Variants in KIAA0319 observed in about 807,000 individuals in gnomAD.
KIAA0319 encodes the protein KIAA0319.
A neutral mutation model predicts 108.4 loss-of-function variants in KIAA0319; 83 were observed. That is an observed-to-expected ratio of 0.77 (90% CI 0.64 to 0.92). The LOEUF is 0.92. KIAA0319 is among the 40% of genes least tolerant of loss of function. The pLI, the probability that KIAA0319 is intolerant of heterozygous loss-of-function variation, is 0.00. For missense variants in KIAA0319, 1,195 were observed against 1,322.4 expected, an observed-to-expected ratio of 0.90 and a Z score of 1.49; for synonymous variants, 484 against 510.4, an observed-to-expected ratio of 0.95 and a Z score of 0.70.
At position 24,546,907 on chromosome 6, in the gene KIAA0319, A is replaced by G. The variant is rs1206672667; in HGVS notation, c.*258T>C. The G allele has an allele frequency of 5.8e-6, 2 of 345,142 alleles. No homozygotes were observed. The highest frequency in any genetic ancestry group is 4.1e-5 in the African/African-American group (2 of 48,984). 21.4% of individuals were successfully genotyped at this position (345,142 alleles called of 1,614,324 possible). On this transcript the variant is annotated 3_prime_UTR_variant, in exon 21 of 21. Transcript: ENST00000378214. ...TTTAATATGAGATTGTGCCAGCTACAAAAACTCAAAACTCTTTTAAGTATA... is the reference window on the plus strand; with the variant it reads ...TTTAATATGAGATTGTGCCAGCTACGAAAACTCAAAACTCTTTTAAGTATA...
At chr6:24,624,792 C>T (rs182670409) in intron 1 of KIAA0319, among the ~76,000 whole-genome samples, 4 of 152,316 alleles carry the variant, frequency 2.6e-5, no homozygotes, top group African/African-American at 4.8e-5. Flanking sequence ...GGAAGTCGGA[C>T]GTGAAGCCCT....
intron 16 of KIAA0319, among the ~76,000 whole-genome samples, chr6:24,561,555 C>T (rs2127439149): frequency 6.6e-6 from 1 of 152,162 alleles, no homozygotes; most frequent in East Asian, 1.9e-4. Flanking sequence ...CCTCCCCCAC[C>T]CACATTTTTT....
At chr6:24,643,214 G>GA (rs559986816) in intron 1 of KIAA0319, among the ~76,000 whole-genome samples, 46 of 152,150 alleles carry the variant, frequency 3.0e-4, no homozygotes, top group Admixed American at 7.9e-4. Context: ...ATGTTACTCT[G>GA]GCTCAACCAT....
rs146274466 is a variant in KIAA0319 at position 24,564,362 on chromosome 6, A to G, written c.2293-22T>C. 4.3e-6 allele frequency: 7 copies of G among 1,613,820 alleles called. No individual in the cohort carries two copies. In the African/African-American group the frequency reaches 9.3e-5, roughly 22 times the overall value. On this transcript the variant is annotated intron_variant, in intron 14 of 20. Coordinates refer to ENST00000378214, the MANE Select transcript of KIAA0319 (RefSeq NM_014809.4). ...CATCCTGCGAAAGAACACGGATCAC[A>G]GGGCAGCTGTCAATCCTCGGGTCCC...
In KIAA0319 at chr6:24,599,377, G is replaced by T; in HGVS notation, c.55+1672C>A. 1 of 542,008 alleles carries T rather than the reference G, an allele frequency of 1.8e-6. No homozygotes were observed. Among genetic ancestry groups the T allele is most frequent in the Non-Finnish European group, 3.5e-6 (1 of 282,508 alleles). The allele number at this position is 542,008 out of a possible 1,614,324, so 33.6% of individuals were successfully genotyped here. A position where few individuals can be genotyped will look rare whatever the true frequency, so the allele number is the denominator to read the frequency against. ...ACCATTGTGGATGCGGAGAAGCGTGGGGAGCTGGCCATTAAGGATGCCAAT... is the reference window on the plus strand; with the variant it reads ...ACCATTGTGGATGCGGAGAAGCGTGTGGAGCTGGCCATTAAGGATGCCAAT... On this transcript the variant is annotated intron_variant, in intron 2 of 20. Coordinates refer to ENST00000378214, the MANE Select transcript of KIAA0319 (RefSeq NM_014809.4). This position sits in a 1 kb window ranked among gnomAD's most constrained non-coding sequence, Gnocchi z 4.1.
At chr6:24,552,769 C>A (rs1398189793) in intron 19 of KIAA0319, among the ~76,000 whole-genome samples, 2 of 152,150 alleles carry the variant, frequency 1.3e-5, no homozygotes, top group Non-Finnish European at 2.9e-5. Context: ...CCACGCCCAG[C>A]TAATTTTGTA....
At chr6:24,554,088 G>C (rs1427706878) in intron 19 of KIAA0319, among the ~76,000 whole-genome samples, 2 of 152,184 alleles carry the variant, frequency 1.3e-5, no homozygotes, top group Non-Finnish European at 2.9e-5. Context: ...AGCAGTCTTG[G>C]GGACTGAGTC....
At chr6:24,561,547 TC>T (rs1211010762) in intron 16 of KIAA0319, among the ~76,000 whole-genome samples, 2 of 152,046 alleles carry the variant, frequency 1.3e-5, no homozygotes, top group East Asian at 3.9e-4. Context: ...CTTATAATCC[TC>T]CCCCACCCAC....
chr6:24,638,739 A>C (rs1020416340), intron 1 of KIAA0319, among the ~76,000 whole-genome samples: 1 of 147,178 alleles, frequency 6.8e-6, no homozygotes, highest in African/African-American at 2.6e-5. Flanking sequence ...CAGCCTGGGC[A>C]ACAGTGCCAG....
chr6:24,568,379 A>G (rs1764190561), intron 13 of KIAA0319, among the ~76,000 whole-genome samples: 1 of 152,238 alleles, frequency 6.6e-6, no homozygotes, highest in African/African-American at 2.4e-5. Context: ...CAAGGAGACA[A>G]GTACCTAAAG....
chr6:24,612,861 C>T (rs911500884), intron 1 of KIAA0319, among the ~76,000 whole-genome samples: 1 of 152,092 alleles, frequency 6.6e-6, no homozygotes, highest in South Asian at 2.1e-4. Context: ...TGCAGTGGCA[C>T]GATCTCCGCT....
chr6:24,633,185 A>T (rs949045867), intron 1 of KIAA0319, among the ~76,000 whole-genome samples: 5 of 152,244 alleles, frequency 3.3e-5, no homozygotes, highest in Non-Finnish European at 7.3e-5. Context: ...GTGAAGGGTT[A>T]GCAAAGTTCT....
chr6:24,640,326 C>T (rs1776758901), intron 1 of KIAA0319, among the ~76,000 whole-genome samples: 1 of 152,146 alleles, frequency 6.6e-6, no homozygotes, highest in Non-Finnish European at 1.5e-5. Flanking sequence ...CCTTCAACAA[C>T]ATGATGTTTA....
chr6:24,583,506 A>G (rs2127490334), intron 5 of KIAA0319, 98 bp downstream of exon 5: 1 of 809,918 alleles, frequency 1.2e-6, no homozygotes, highest in African/African-American at 1.7e-5. Context: ...GTCGTGCAAT[A>G]CTGTGAAAAA....
Position 24,568,928 on chromosome 6 carries a change from C to G in KIAA0319, c.1993G>C (p.Gly665Arg). Reference sequence around the variant, plus strand: ...TTTTCCATCTCCACTGCACTGGGGCCTCTATAAAACATAGAAGTGGTTAAC... The same window carrying G: ...TTTTCCATCTCCACTGCACTGGGGCGTCTATAAAACATAGAAGTGGTTAAC... ...IVFYHWEHVR[G>R]PSAVEMENID... is the part of the protein sequence containing the mutation. The change falls in exon 13 of 21, where the codon GGC (glycine) becomes CGC (arginine). Residue 665 changes from glycine (G) to arginine (R), a missense_variant and splice_region_variant. Transcript: ENST00000378214. The G allele has an allele frequency of 6.2e-7, 1 of 1,613,906 alleles. No homozygotes were observed. Among genetic ancestry groups the G allele is most frequent in the Admixed American group, 1.7e-5 (1 of 60,018 alleles).
chr6:24,583,205 T>C (rs1766893156), intron 5 of KIAA0319: 1 of 989,022 alleles, frequency 1.0e-6, no homozygotes, highest in Non-Finnish European at 1.2e-6. Flanking sequence ...CTGAGAGCCG[T>C]GATTGTCAAT....
chr6:24,564,286 C>T lies in KIAA0319; in HGVS notation c.2347G>A (p.Glu783Lys). 2 of 1,614,184 alleles carry T rather than the reference C, an allele frequency of 1.2e-6. No individual in the cohort carries two copies. The highest frequency in any genetic ancestry group is 1.3e-5 in the African/African-American group (1 of 75,054). ...SVALQLTNLV[E>K]GVYTFHLRVT... ...CGCAAGTGGAAAGTGTACACCCCCT[C>T]CACCAGATTCGTAAGCTGCAGAGCC... The change falls in exon 15 of 21, where the codon GAG (glutamate) becomes AAG (lysine). Residue 783 changes from glutamate (E) to lysine (K), a missense_variant. By Grantham distance (56) the Glu-to-Lys change is moderately conservative. Coordinates refer to ENST00000378214, the MANE Select transcript of KIAA0319 (RefSeq NM_014809.4).
rs1256810716 is a variant in KIAA0319, at chr6:24,625,606, C to T, written c.-106+20130G>A. 2.6e-5 allele frequency among the ~76,000 whole-genome samples: 4 copies of T among 152,240 alleles called. No homozygotes were observed. The East Asian group carries it at 7.7e-4, about 29-fold the overall frequency. On this transcript the variant is annotated intron_variant, in intron 1 of 20. Coordinates refer to ENST00000378214, the MANE Select transcript of KIAA0319 (RefSeq NM_014809.4). ...AATTAGGAGAGAAAGCAAATAAAAG[C>T]ATCCAGATTGGAAAGGAATGTGTAA... is the stretch of plus-strand genomic sequence containing the variant.
intron 11 of KIAA0319, among the ~76,000 whole-genome samples, chr6:24,571,220 T>C (rs1764680174): frequency 6.6e-6 from 1 of 151,162 alleles, no homozygotes. Flanking sequence ...ATTGCTAATA[T>C]TGATATAAAT....
Sources: gnomAD v4.1 joint callset for allele counts (sites outside exome capture counted in the v4.1 genomes callset) on GRCh38, gnomAD v4.1.1 for gene constraint, Gnocchi (gnomAD v3.1) non-coding constraint, MANE v1.5 for transcripts, NCBI Gene and HGNC (gene_info 2026-07-23, HGNC 2026-07-21) for gene names.